Variants in DDX10 observed in about 807,000 individuals in gnomAD.
The protein encoded by DDX10 is DEAD-box helicase 10.
Under a neutral mutation model 104.3 loss-of-function variants are expected in DDX10, and 74 were observed. The observed-to-expected ratio is 0.71, with a 90% CI of 0.59 to 0.86. DDX10 has a LOEUF of 0.86. Ranked by LOEUF, DDX10 falls within the 40% of genes least tolerant of loss-of-function variation. The pLI is 0.00. For missense variants in DDX10, 952 were observed against 1,040.0 expected (o/e 0.92, Z 1.16); for synonymous variants, 351 against 353.4 (o/e 0.99, Z 0.08).
chr11:108,719,914 T>G (rs748476982), intron 12 of DDX10, 29 bp downstream of exon 12: 1 of 1,266,112 alleles, frequency 7.9e-7, no homozygotes, highest in South Asian at 1.2e-5. Flanking sequence ...GTTGTAATAG[T>G]GAATCCTCAA....
intron 13 of DDX10, among the ~76,000 whole-genome samples, chr11:108,807,699 G>C (rs1862119823): frequency 6.6e-6 from 1 of 152,296 alleles, no homozygotes; most frequent in South Asian, 2.1e-4. Flanking sequence ...AAAATGCTTG[G>C]TAGGCACCTG....
At chr11:108,917,190 G>C (rs941266764) in intron 16 of DDX10, among the ~76,000 whole-genome samples, 2 of 150,232 alleles carry the variant, frequency 1.3e-5, no homozygotes, top group African/African-American at 4.9e-5. Context: ...TCAGCCCCTG[G>C]AGTAGCTAGG....
At chr11:108,824,945 T>A (rs1250481401) in intron 13 of DDX10, among the ~76,000 whole-genome samples, 1 of 152,158 alleles carries the variant, frequency 6.6e-6, no homozygotes, top group Non-Finnish European at 1.5e-5. Flanking sequence ...TGTAACACTA[T>A]AAATGTTCAA....
At chr11:108,804,650 A>G (rs916257540) in intron 13 of DDX10, among the ~76,000 whole-genome samples, 3 of 152,202 alleles carry the variant, frequency 2.0e-5, no homozygotes, top group Non-Finnish European at 2.9e-5. Context: ...GCTGCAATTA[A>G]GTGTTGGCCA....
chr11:108,835,202 G>A (rs916567873), intron 13 of DDX10, among the ~76,000 whole-genome samples: 1 of 152,178 alleles, frequency 6.6e-6, no homozygotes, highest in African/African-American at 2.4e-5. Context: ...CCACCGCACA[G>A]CTTACTCAGT....
chr11:108,700,876 T>A (rs565714429), intron 9 of DDX10, among the ~76,000 whole-genome samples: 154 of 152,172 alleles, frequency 1.0e-3, no homozygotes, highest in Non-Finnish European at 1.6e-3. Context: ...TTTTTTTTTT[T>A]AATTCTTTTC....
At chr11:108,742,234 T>C (rs921309861) in intron 13 of DDX10, among the ~76,000 whole-genome samples, 5 of 148,560 alleles carry the variant, frequency 3.4e-5, no homozygotes, top group Non-Finnish European at 5.9e-5. Context: ...TACCCCAGCC[T>C]GGGCAACAAA....
intron 13 of DDX10, among the ~76,000 whole-genome samples, chr11:108,807,223 G>T (rs1862113863): frequency 6.6e-6 from 1 of 152,152 alleles, no homozygotes; most frequent in Admixed American, 6.6e-5. Flanking sequence ...GGGAATTAAA[G>T]ATTTGTAGAG....
rs375936736 is a variant in DDX10, at chr11:108,851,865, TTA to T, written c.2248-286_2248-285del. Among the ~76,000 whole-genome samples, 30 of 152,294 alleles carry T rather than the reference TTA, an allele frequency of 2.0e-4. 1 individual carries two copies. The highest frequency in any genetic ancestry group is 8.3e-4 in the South Asian group (4 of 4,828). On this transcript the variant is annotated intron_variant, in intron 15 of 17. Transcript: ENST00000322536. ...AATGTGTCTCTTGTATAATTGTACA[TTA>T]TGTTTTACCTGTCCTGTTAGTGTGT...
At chr11:108,728,049 GAAA>G (rs1336591570) in intron 13 of DDX10, among the ~76,000 whole-genome samples, 1 of 143,168 alleles carries the variant, frequency 7.0e-6, no homozygotes, top group Non-Finnish European at 1.5e-5. Flanking sequence ...AATGAAAAAA[GAAA>G]AAAAAAACCC....
intron 6 of DDX10, among the ~76,000 whole-genome samples, chr11:108,680,932 A>G (rs548528521): frequency 6.6e-6 from 1 of 152,198 alleles, no homozygotes; most frequent in African/African-American, 2.4e-5. Context: ...GAATAGTAAG[A>G]TATGTGAGGT....
intron 17 of DDX10, chr11:108,929,801 T>TA (rs1177414150): frequency 6.6e-6 from 1 of 152,218 alleles, no homozygotes; most frequent in Non-Finnish European, 1.5e-5. Flanking sequence ...AATTAAGTTA[T>TA]AATGTATTGG....
chr11:108,754,224 A>G (rs2094341914), intron 13 of DDX10, among the ~76,000 whole-genome samples: 1 of 152,066 alleles, frequency 6.6e-6, no homozygotes, highest in African/African-American at 2.4e-5. Flanking sequence ...AGTATACAGT[A>G]TAGATTCCAA....
chr11:108,829,143 G>A lies in DDX10; in HGVS notation c.1966-9303G>A, dbSNP rs145746162. Among the ~76,000 whole-genome samples, 507 of 152,204 alleles carry A rather than the reference G, an allele frequency of 3.3e-3. 4 individuals are homozygous for A. Among genetic ancestry groups the A allele is most frequent in the African/African-American group, 0.012 (487 of 41,522 alleles). On this transcript the variant is annotated intron_variant, in intron 13 of 17. Coordinates refer to ENST00000322536, the MANE Select transcript of DDX10 (RefSeq NM_004398.4). Reference sequence around the variant, plus strand: ...TGTCTGGATCAAAAGTACATCAAATGGATCTACTTTTAATTCTTTAAGGAA... The same window carrying A: ...TGTCTGGATCAAAAGTACATCAAATAGATCTACTTTTAATTCTTTAAGGAA...
At chr11:108,816,198 C>T (rs1862252365) in intron 13 of DDX10, among the ~76,000 whole-genome samples, 1 of 152,154 alleles carries the variant, frequency 6.6e-6, no homozygotes, top group South Asian at 2.1e-4. Flanking sequence ...GGGAATACCC[C>T]CAAGGCTTTG....
chr11:108,844,714 T>C (rs1047513047), intron 15 of DDX10, among the ~76,000 whole-genome samples: 1 of 152,032 alleles, frequency 6.6e-6, no homozygotes, highest in Non-Finnish European at 1.5e-5. Context: ...ACTGGGACTT[T>C]GCTTTCCTAA....
At chr11:108,861,181 G>A (rs761194631) in intron 16 of DDX10, among the ~76,000 whole-genome samples, 1 of 151,652 alleles carries the variant, frequency 6.6e-6, no homozygotes, top group African/African-American at 2.4e-5. Context: ...AGGAGAGACT[G>A]GCCTAGCCTC....
intron 16 of DDX10, among the ~76,000 whole-genome samples, chr11:108,879,390 C>T (rs531114791): frequency 7.2e-5 from 11 of 152,190 alleles, no homozygotes; most frequent in African/African-American, 2.4e-4. Flanking sequence ...AGGTAGCTTC[C>T]TATTTATATA....
At chr11:108,925,408 C>CT (rs1863895950) in intron 17 of DDX10, among the ~76,000 whole-genome samples, 1 of 152,190 alleles carries the variant, frequency 6.6e-6, no homozygotes, top group South Asian at 2.1e-4. Context: ...GCCAGGATCT[C>CT]TAAGAAGGGT....
Sources: allele counts gnomAD v4.1 joint callset (sites outside exome capture counted in the v4.1 genomes callset), GRCh38; gene constraint gnomAD v4.1.1; transcripts MANE v1.5; gene names NCBI Gene and HGNC (gene_info 2026-07-23, HGNC 2026-07-21).